The following DPP10 variants were observed in gnomAD, a reference collection of about 807,000 sequenced individuals.
DPP10 encodes the protein inactive dipeptidyl peptidase 10.
In DPP10, 33 loss-of-function variants were observed where a neutral mutation model predicts 120.9. That is an observed-to-expected ratio of 0.27 (90% CI 0.21 to 0.37). The LOEUF (loss-of-function observed/expected upper bound fraction) is 0.37, where lower values mean the gene tolerates loss of function less well. DPP10 is among the 10% of genes least tolerant of loss of function. DPP10 has a pLI of 1.00. For synonymous variants in DPP10, 337 were observed against 326.1 expected (o/e 1.03, Z -0.36); for missense variants, 816 against 942.8 (o/e 0.87, Z 1.76).
At chr2:115,761,118 G>T (rs1042345892) in intron 11 of DPP10, among the ~76,000 whole-genome samples, 1 of 142,416 alleles carries the variant, frequency 7.0e-6, no homozygotes, top group Non-Finnish European at 1.5e-5. Flanking sequence ...AAAAAAAAAA[G>T]GCACAGGCCA....
At chr2:114,757,438 GA>G (rs1679879313) in intron 1 of DPP10, among the ~76,000 whole-genome samples, 1 of 149,092 alleles carries the variant, frequency 6.7e-6, no homozygotes, top group Non-Finnish European at 1.5e-5. Context: ...AGGAAGGAAG[GA>G]AAAAAGATTC....
chr2:115,620,494 G>T (rs1193028434), intron 5 of DPP10, among the ~76,000 whole-genome samples: 1 of 152,186 alleles, frequency 6.6e-6, no homozygotes, highest in Non-Finnish European at 1.5e-5. Flanking sequence ...TAGAAATCAA[G>T]CCTGCAAAGC....
rs547276223 is a variant in DPP10 at position 115,795,870 on chromosome 2, A to G, written c.1700+4514A>G. Among the ~76,000 whole-genome samples the G allele has an allele frequency of 2.6e-5, 4 of 152,146 alleles. No individual in the cohort carries two copies. The East Asian group carries it at 7.7e-4, about 29-fold the overall frequency. Reference sequence around the variant, plus strand: ...GGATGACTGAACTCTAACCTGCTATACTATTCTCTACTTACACTTCCTTTC... The same window carrying G: ...GGATGACTGAACTCTAACCTGCTATGCTATTCTCTACTTACACTTCCTTTC... On this transcript the variant is annotated intron_variant, in intron 19 of 25. Transcript: ENST00000410059.
In DPP10 at chr2:114,735,478, TTC is replaced by T. The variant is rs565720909; in HGVS notation, c.60+292644_60+292645del. On this transcript the variant is annotated intron_variant, in intron 1 of 25. Coordinates refer to ENST00000410059, the MANE Select transcript of DPP10 (RefSeq NM_020868.6). ...TTCAGATGGTTTTTACTGCCATTCT[TTC>T]TCTGTTTCAAGAGCTAATAAACACA... 5.0e-3 allele frequency among the ~76,000 whole-genome samples: 767 copies of T among 152,320 alleles called. 10 individuals carry two copies. The highest frequency in any genetic ancestry group is 0.018 in the African/African-American group (742 of 41,574).
At chr2:115,235,718 C>T (rs1210474330) in intron 1 of DPP10, among the ~76,000 whole-genome samples, 1 of 152,092 alleles carries the variant, frequency 6.6e-6, no homozygotes, top group Admixed American at 6.6e-5. Context: ...CATGCCAACA[C>T]ACCCAGCTAA....
At chr2:114,962,697 A>G (rs1227084308) in intron 1 of DPP10, among the ~76,000 whole-genome samples, 2 of 152,234 alleles carry the variant, frequency 1.3e-5, no homozygotes, top group Admixed American at 1.3e-4. Context: ...TGCTGGAGAT[A>G]TAAATCTCTT....
chr2:115,121,722 G>A (rs2049833389), intron 1 of DPP10, among the ~76,000 whole-genome samples: 1 of 152,196 alleles, frequency 6.6e-6, no homozygotes. Context: ...TGGTGGGCTT[G>A]CAGAGCAGCC....
rs1255227047 is a variant in DPP10 at position 114,748,338 on chromosome 2, CT to C, written c.60+305512del. 9.4e-4 allele frequency among the ~76,000 whole-genome samples: 66 copies of C among 70,280 alleles called. 2 individuals are homozygous for C. Among genetic ancestry groups the C allele is most frequent in the East Asian group, 3.1e-3 (8 of 2,568 alleles). The allele number at this position is 70,280 out of a possible 152,430, so 46.1% of individuals were successfully genotyped here. On this transcript the variant is annotated intron_variant, in intron 1 of 25. Transcript: ENST00000410059. Reference sequence around the variant, plus strand: ...GTTCACGTAGGACAAAGGGAATTTTCTTTTTTTTTTTTATTTTTTTTTATTT... The same window carrying C: ...GTTCACGTAGGACAAAGGGAATTTTCTTTTTTTTTTTATTTTTTTTTATTT...
intron 21 of DPP10, among the ~76,000 whole-genome samples, chr2:115,833,199 A>G (rs902404368): frequency 1.3e-5 from 2 of 152,240 alleles, no homozygotes; most frequent in African/African-American, 4.8e-5. Context: ...TATATTATTT[A>G]AATGTAACAT....
At chr2:115,171,249 G>T (rs980473776) in intron 1 of DPP10, among the ~76,000 whole-genome samples, 2 of 150,794 alleles carry the variant, frequency 1.3e-5, no homozygotes, top group South Asian at 4.2e-4. Context: ...TAATCCTAGC[G>T]ACTCAGGAGG....
At chr2:115,580,405 TATC>T (rs1479705898) in intron 5 of DPP10, among the ~76,000 whole-genome samples, 1 of 152,182 alleles carries the variant, frequency 6.6e-6, no homozygotes, top group East Asian at 1.9e-4. Flanking sequence ...TCAACATTAT[TATC>T]ATAACTGTTT....
At chr2:114,751,766 C>A (rs144635704) in intron 1 of DPP10, among the ~76,000 whole-genome samples, 50 of 152,310 alleles carry the variant, frequency 3.3e-4, no homozygotes, top group African/African-American at 1.1e-3. Context: ...CAAATTGTAA[C>A]TTACATGTTG....
chr2:115,606,785 A>G (rs1175432167), intron 5 of DPP10, among the ~76,000 whole-genome samples: 1 of 152,204 alleles, frequency 6.6e-6, no homozygotes, highest in Non-Finnish European at 1.5e-5. Flanking sequence ...AGAGGCTAAT[A>G]TAAGCACTCC....
intron 21 of DPP10, among the ~76,000 whole-genome samples, chr2:115,834,835 C>T (rs569041868): frequency 1.3e-5 from 2 of 152,208 alleles, no homozygotes; most frequent in Non-Finnish European, 2.9e-5. Flanking sequence ...GCCTGTAATC[C>T]CAGCACTTTG....
intron 1 of DPP10, among the ~76,000 whole-genome samples, chr2:114,572,016 G>T (rs986064981): frequency 4.7e-5 from 7 of 149,470 alleles, no homozygotes; most frequent in African/African-American, 1.5e-4. Context: ...CACATATATT[G>T]TGTATATGTA....
intron 1 of DPP10, among the ~76,000 whole-genome samples, chr2:115,167,425 AAG>A (rs1247566204): frequency 1.3e-5 from 2 of 151,752 alleles, no homozygotes; most frequent in African/African-American, 4.8e-5. Context: ...AAAAACAAAA[AAG>A]AAAATAAAAA....
chr2:115,228,221 A>G (rs2057540447), intron 1 of DPP10, among the ~76,000 whole-genome samples: 1 of 152,062 alleles, frequency 6.6e-6, no homozygotes. Context: ...TACTGGGACT[A>G]CAGGTGTGAG....
intron 3 of DPP10, among the ~76,000 whole-genome samples, chr2:115,407,021 T>TA (rs889643828): frequency 9.9e-4 from 150 of 151,560 alleles, no homozygotes; most frequent in Middle Eastern, 6.8e-3. Context: ...TGGATGAAAA[T>TA]AAAAAAAACC....
At chr2:114,571,519 C>T (rs1573685655) in intron 1 of DPP10, among the ~76,000 whole-genome samples, 2 of 152,054 alleles carry the variant, frequency 1.3e-5, no homozygotes, top group East Asian at 3.9e-4. Context: ...CAGACTAATA[C>T]CTTTAACATA....
Sources: gnomAD v4.1 joint callset for allele counts (sites outside exome capture counted in the v4.1 genomes callset) on GRCh38, gnomAD v4.1.1 for gene constraint, MANE v1.5 for transcripts, NCBI Gene and HGNC (gene_info 2026-07-23, HGNC 2026-07-21) for gene names.